SLC45A1: variants seen among roughly 807,000 people sequenced by gnomAD.
The protein encoded by SLC45A1 is solute carrier family 45 member 1.
A neutral mutation model predicts 57.6 loss-of-function variants in SLC45A1; 28 were observed. The observed-to-expected ratio is 0.49, with a 90% CI of 0.36 to 0.67. SLC45A1 has a LOEUF of 0.67. Ranked by LOEUF, SLC45A1 falls within the 30% of genes least tolerant of loss-of-function variation. The pLI is 0.00. For missense variants in SLC45A1, 814 were observed against 1,041.5 expected, an observed-to-expected ratio of 0.78 and a Z score of 3.01; for synonymous variants, 459 against 471.5, an observed-to-expected ratio of 0.97 and a Z score of 0.34.
chr1:8,338,287 AC>A (rs1207957296), intron 7 of SLC45A1, among the ~76,000 whole-genome samples: 1 of 152,102 alleles, frequency 6.6e-6, no homozygotes, highest in Non-Finnish European at 1.5e-5. Context: ...CCCTGGGGGA[AC>A]CCCAAGGCCA....
chr1:8,330,770 T>G lies in SLC45A1; in HGVS notation c.1277T>G (p.Leu426Arg). The G allele has an allele frequency of 6.2e-7, 1 of 1,613,464 alleles. No homozygotes were observed. Among genetic ancestry groups the G allele is most frequent in the Non-Finnish European group, 8.5e-7 (1 of 1,180,030 alleles). The change falls in exon 5 of 9, where the codon CTG (leucine) becomes CGG (arginine). Residue 426 changes from leucine to arginine, a missense_variant. Transcript: ENST00000471889. The surrounding 1 kb of genome is among the most constrained non-coding windows in gnomAD (Gnocchi z 8.4). ...RGLLEGREGA[L>R]TSGCDGDILR... ...CTTCTGGAGGGCAGAGAGGGTGCCCTGACCTCCGGCTGTGACGGGGACATT... is the reference window on the plus strand; with the variant it reads ...CTTCTGGAGGGCAGAGAGGGTGCCCGGACCTCCGGCTGTGACGGGGACATT...
Position 8,326,066 on chromosome 1 carries a change from A to T in SLC45A1, c.715+24A>T. 1.3e-6 allele frequency: 2 copies of T among 1,581,366 alleles called. No individual in the cohort carries two copies. The highest frequency in any genetic ancestry group is 1.7e-6 in the Non-Finnish European group (2 of 1,164,444). On this transcript the variant is annotated intron_variant, in intron 4 of 8. Transcript: ENST00000471889. The surrounding 1 kb of genome is among the most constrained non-coding windows in gnomAD (Gnocchi z 5.5). ...AGGTGAGTCTCCGCAGCAGGGCCGA[A>T]GCTGAATCTGCCGGGCTGCAGGCTT...
rs1359221325 is a variant in SLC45A1, at chr1:8,324,545, G to A, written c.216G>A (p.Leu72=). 1 of 1,609,716 alleles carries A rather than the reference G, an allele frequency of 6.2e-7. No homozygotes were observed. The highest frequency in any genetic ancestry group is 2.2e-5 in the East Asian group (1 of 44,712). The change falls in exon 2 of 9, where the codon CTG becomes CTA. Residue 72 remains leucine (L), a synonymous_variant. Transcript: ENST00000471889. The part of the protein sequence containing the change: ...PPPNTPCPLE[L]VDFGDLHPQR... ...CCAACACCCCGTGCCCGCTTGAGCT[G>A]GTGGACTTCGGGGACCTGCACCCCC...
intron 1 of SLC45A1, among the ~76,000 whole-genome samples, chr1:8,321,777 TGAATG>T (rs2124284190): frequency 6.6e-6 from 1 of 151,494 alleles, no homozygotes; most frequent in South Asian, 2.1e-4. Context: ...GATGAATAGA[TGAATG>T]GAAGAGAGGA....
Position 8,327,446 on chromosome 1 carries a change from C to T in SLC45A1, c.715+1404C>T, listed in dbSNP as rs1640237606. Among the ~76,000 whole-genome samples, 1 of 152,158 alleles carries T rather than the reference C, an allele frequency of 6.6e-6. No individual in the cohort carries two copies. The highest frequency in any genetic ancestry group is 1.5e-5 in the Non-Finnish European group (1 of 68,042). ...GTCTCTGGGGCTGGACGTATGGAAA[C>T]TTCAAGAGAATTAGCTGCAAAGCAG... On this transcript the variant is annotated intron_variant, in intron 4 of 8. Transcript: ENST00000471889. This position sits in a 1 kb window ranked among gnomAD's most constrained non-coding sequence, Gnocchi z 4.3.
chr1:8,322,243 A>G (rs1170047936), intron 1 of SLC45A1, among the ~76,000 whole-genome samples: 2 of 34 alleles, frequency 0.059, no homozygotes, highest in Admixed American at 0.25. Context: ...GGGTGGGTGG[A>G]TGGATGGATG....
Position 8,343,566 on chromosome 1 carries a change from C to G in SLC45A1, c.1981-181C>G, listed in dbSNP as rs995436806. Among the ~76,000 whole-genome samples, 1 of 152,206 alleles carries G rather than the reference C, an allele frequency of 6.6e-6. No homozygotes were observed. The highest frequency in any genetic ancestry group is 1.5e-5 in the Non-Finnish European group (1 of 68,032). ...CATGGATTCTTTTCATTGTCGTCAT[C>G]TCTCCGAACACAAATATTGTTAAAC... is the stretch of plus-strand genomic sequence containing the variant. On this transcript the variant is annotated intron_variant, in intron 8 of 8. Coordinates refer to ENST00000471889, the MANE Select transcript of SLC45A1 (RefSeq NM_001080397.3). The surrounding 1 kb of genome is among the most constrained non-coding windows in gnomAD (Gnocchi z 7.7).
intron 8 of SLC45A1, 139 bp downstream of exon 8, chr1:8,339,837 G>C (rs1640754414): frequency 2.4e-6 from 2 of 819,600 alleles, no homozygotes; most frequent in Non-Finnish European, 4.0e-6. Flanking sequence ...ATGAAACCAA[G>C]GGGGGCCCTT....
In SLC45A1 at chr1:8,318,140, G is replaced by T; in HGVS notation, c.-71G>T. Reference sequence around the variant, plus strand: ...CAGCAGCCGGGACCGCGGCCGGGCAGGCAGCAGCCCAGCGGGGACAGGGAT... The same window carrying T: ...CAGCAGCCGGGACCGCGGCCGGGCATGCAGCAGCCCAGCGGGGACAGGGAT... On this transcript the variant is annotated 5_prime_UTR_variant, in exon 1 of 9. In the 5' UTR this introduces an upstream ATG that the reference lacks. Transcript: ENST00000471889. The T allele has an allele frequency of 2.2e-6, 1 of 462,466 alleles. No individual in the cohort carries two copies. The allele number at this position is 462,466 out of a possible 1,614,324, so 28.6% of individuals were successfully genotyped here.
rs1269580014 is a variant in SLC45A1 at position 8,341,534 on chromosome 1, C to CA, written c.1980+1845dup. 2.3e-4 allele frequency among the ~76,000 whole-genome samples: 11 copies of CA among 47,950 alleles called. 1 individual carries two copies. The highest frequency in any genetic ancestry group is 0.014 in the Middle Eastern group (1 of 70). The allele number at this position is 47,950 out of a possible 152,430, so 31.5% of individuals were successfully genotyped here. A position where few individuals can be genotyped will look rare whatever the true frequency, so the allele number is the denominator to read the frequency against. ...TGGGCGACAGAGCGAGACTCCGTCT[C>CA]AAAAAAAAAGATAGTAATACTTTGA... is the stretch of plus-strand genomic sequence containing the variant. On this transcript the variant is annotated intron_variant, in intron 8 of 8. Transcript: ENST00000471889.
At position 8,343,671 on chromosome 1, in the gene SLC45A1, CGCA is replaced by C. The variant is rs1640900329; in HGVS notation, c.1981-74_1981-72del. The C allele has an allele frequency of 2.0e-6, 3 of 1,529,958 alleles. No individual in the cohort carries two copies. The highest frequency in any genetic ancestry group is 1.4e-5 in the African/African-American group (1 of 73,404). The allele number at this position is 1,529,958 out of a possible 1,614,324, so 94.8% of individuals were successfully genotyped here. On this transcript the variant is annotated intron_variant, in intron 8 of 8. Coordinates refer to ENST00000471889, the MANE Select transcript of SLC45A1 (RefSeq NM_001080397.3). The surrounding 1 kb of genome is among the most constrained non-coding windows in gnomAD (Gnocchi z 7.7). ...GTGGGCCGCTCGGGCCTCCTGGGCTCGCAGGACACACCGAGCTCGGTCACCCCG... is the reference window on the plus strand; with the variant it reads ...GTGGGCCGCTCGGGCCTCCTGGGCTCGGACACACCGAGCTCGGTCACCCCG...
intron 1 of SLC45A1, among the ~76,000 whole-genome samples, chr1:8,321,731 G>C (rs927973608): frequency 6.6e-6 from 1 of 151,966 alleles, no homozygotes; most frequent in Non-Finnish European, 1.5e-5. Context: ...GTGGAAGAAC[G>C]GGTCGGTGGA....
At chr1:8,338,675 C>T (rs1482210005) in intron 7 of SLC45A1, among the ~76,000 whole-genome samples, 2 of 152,256 alleles carry the variant, frequency 1.3e-5, no homozygotes, top group African/African-American at 2.4e-5. Flanking sequence ...ACCGAGTGGG[C>T]GTGCCAAGCG....
chr1:8,337,557 T>C (rs994248347), intron 6 of SLC45A1, among the ~76,000 whole-genome samples: 1 of 152,188 alleles, frequency 6.6e-6, no homozygotes, highest in Non-Finnish European at 1.5e-5. Context: ...TAGCTGGGAC[T>C]ACAGGCACCC....
intron 5 of SLC45A1, among the ~76,000 whole-genome samples, chr1:8,333,069 G>A (rs1640466814): frequency 6.6e-6 from 1 of 152,088 alleles, no homozygotes; most frequent in South Asian, 2.1e-4. Flanking sequence ...CCTGAATGAA[G>A]TAGACCCTGC....
intron 5 of SLC45A1, among the ~76,000 whole-genome samples, chr1:8,332,700 G>T (rs996464554): frequency 1.3e-5 from 2 of 151,908 alleles, no homozygotes; most frequent in Non-Finnish European, 2.9e-5. Context: ...TAGTAGAGAC[G>T]GGGTTTCACC....
chr1:8,333,064 A>G (rs1399281843), intron 5 of SLC45A1, among the ~76,000 whole-genome samples: 4 of 150,648 alleles, frequency 2.7e-5, no homozygotes, highest in African/African-American at 7.3e-5. Flanking sequence ...TGTCTCCTGA[A>G]TGAAGTAGAC....
rs761492222 is a variant in SLC45A1 at position 8,330,579 on chromosome 1, C to T, written c.1086C>T (p.Ser362=). The T allele has an allele frequency of 6.0e-5, 96 of 1,613,396 alleles. No homozygotes were observed. The highest frequency in any genetic ancestry group is 1.6e-4 in the South Asian group (15 of 91,092). The change falls in exon 5 of 9, where the codon AGC becomes AGT. Residue 362 remains serine, a synonymous_variant. Coordinates refer to ENST00000471889, the MANE Select transcript of SLC45A1 (RefSeq NM_001080397.3). The surrounding 1 kb of genome is among the most constrained non-coding windows in gnomAD (Gnocchi z 8.4). ...ISRDSSLTGI[S]EFASSFGTAN... is the part of the protein sequence containing the mutation. Reference sequence around the variant, plus strand: ...GGGACAGCTCCCTGACGGGCATCAGCGAGTTCGCCTCATCCTTTGGCACGG... The same window carrying T: ...GGGACAGCTCCCTGACGGGCATCAGTGAGTTCGCCTCATCCTTTGGCACGG...
chr1:8,320,792 CA>C (rs1639989389), intron 1 of SLC45A1, among the ~76,000 whole-genome samples: 1 of 151,634 alleles, frequency 6.6e-6, no homozygotes, highest in African/African-American at 2.4e-5. Context: ...TTCTTCATTC[CA>C]AATTTAAAGG....
Sources: allele counts gnomAD v4.1 joint callset (sites outside exome capture counted in the v4.1 genomes callset), GRCh38; gene constraint gnomAD v4.1.1; non-coding constraint Gnocchi (gnomAD v3.1); transcripts MANE v1.5; gene names NCBI Gene and HGNC (gene_info 2026-07-23, HGNC 2026-07-21).